The following IGFBP7 variants were observed in gnomAD, a reference collection of about 807,000 sequenced individuals.
IGFBP7 encodes insulin-like growth factor-binding protein 7.
IGFBP7 carries 31 observed loss-of-function variants against 29.4 expected under a neutral mutation model. The ratio of observed to expected loss-of-function variants is 1.05; its 90% CI spans 0.79 to 1.42. IGFBP7 has a LOEUF of 1.42. Ranked by LOEUF, IGFBP7 falls within the 40% of genes most tolerant of loss-of-function variation. IGFBP7 has a pLI of 0.00. For missense variants in IGFBP7, 393 were observed against 395.5 expected (o/e 0.99, Z 0.05); for synonymous variants, 172 against 174.9 (o/e 0.98, Z 0.13).
chr4:57,109,682 G>C (rs574513334), intron 1 of IGFBP7, 195 bp downstream of exon 1: 2 of 638,650 alleles, frequency 3.1e-6, no homozygotes, highest in Non-Finnish European at 5.1e-6. Context: ...CCACCAAAAA[G>C]GAGAAGGGGG....
chr4:57,040,980 C>T (rs1300181014), intron 1 of IGFBP7, 47 bp from the exon 2 acceptor site: 1 of 1,187,456 alleles, frequency 8.4e-7, no homozygotes. Context: ...AACAGTCCTT[C>T]ACATGAGTCA....
At chr4:57,069,257 G>A (rs1317382295) in intron 1 of IGFBP7, among the ~76,000 whole-genome samples, 1 of 152,084 alleles carries the variant, frequency 6.6e-6, no homozygotes, top group Non-Finnish European at 1.5e-5. Context: ...GGGGTCTTGG[G>A]CCATCTGTGG....
chr4:57,093,732 G>A (rs927899579), intron 1 of IGFBP7, among the ~76,000 whole-genome samples: 2 of 151,768 alleles, frequency 1.3e-5, no homozygotes, highest in Admixed American at 1.3e-4. Context: ...GATTCTTTTG[G>A]ATCAATATTC....
chr4:57,040,019 C>T (rs1426929421), intron 2 of IGFBP7, among the ~76,000 whole-genome samples: 1 of 152,198 alleles, frequency 6.6e-6, no homozygotes, highest in South Asian at 2.1e-4. Context: ...GGGGCTGGGG[C>T]CAGCATTTAG....
chr4:57,031,657 G>GTAAAGTGGAGGAA (rs1723934510), intron 4 of IGFBP7, among the ~76,000 whole-genome samples: 1 of 152,210 alleles, frequency 6.6e-6, no homozygotes. Context: ...CCTTCAAAAG[G>GTAAAGTGGAGGAA]TAAAGTGGAG....
intron 1 of IGFBP7, among the ~76,000 whole-genome samples, chr4:57,079,142 CTCAGAGTATT>C (rs1313390267): frequency 6.8e-6 from 1 of 146,004 alleles, no homozygotes; most frequent in African/African-American, 2.4e-5. Flanking sequence ...CTTGGCTCAA[CTCAGAGTATT>C]TCTCTTTGCT....
chr4:57,087,197 A>C (rs1028064657), intron 1 of IGFBP7, among the ~76,000 whole-genome samples: 6 of 152,264 alleles, frequency 3.9e-5, no homozygotes, highest in Admixed American at 6.5e-5. Flanking sequence ...CATTTAAGTG[A>C]TAAATGAGTC....
At chr4:57,045,828 C>T (rs548697385) in intron 1 of IGFBP7, among the ~76,000 whole-genome samples, 13 of 151,378 alleles carry the variant, frequency 8.6e-5, no homozygotes, top group East Asian at 2.0e-4. Flanking sequence ...TGGGTTCAAG[C>T]GATCCTCCTG....
intron 2 of IGFBP7, among the ~76,000 whole-genome samples, chr4:57,035,473 GAGAC>G (rs1305334375): frequency 2.0e-5 from 3 of 149,258 alleles, no homozygotes; most frequent in Non-Finnish European, 4.5e-5. Flanking sequence ...TTTTTTTTTT[GAGAC>G]AGAGTCTCGC....
intron 1 of IGFBP7, among the ~76,000 whole-genome samples, chr4:57,066,756 T>G (rs551794846): frequency 6.6e-6 from 1 of 151,988 alleles, no homozygotes; most frequent in African/African-American, 2.4e-5. Context: ...AGAGATGGGG[T>G]TTCACCATGT....
At chr4:57,082,636 C>A (rs772422119) in intron 1 of IGFBP7, among the ~76,000 whole-genome samples, 3 of 152,162 alleles carry the variant, frequency 2.0e-5, no homozygotes, top group Non-Finnish European at 2.9e-5. Flanking sequence ...TGCAAAAGTG[C>A]ATGCTCACTG....
At chr4:57,101,015 C>G (rs1725884767) in intron 1 of IGFBP7, among the ~76,000 whole-genome samples, 1 of 152,236 alleles carries the variant, frequency 6.6e-6, no homozygotes, top group Non-Finnish European at 1.5e-5. Context: ...TTCACAAATA[C>G]CCGTTGCAGA....
rs193081357 is a variant in IGFBP7 at position 57,034,192 on chromosome 4, G to C, written c.586-881C>G. 1.4e-3 allele frequency among the ~76,000 whole-genome samples: 209 copies of C among 152,124 alleles called. 1 individual carries two copies. The highest frequency in any genetic ancestry group is 4.9e-3 in the African/African-American group (202 of 41,500). ...TTTGGTGCAAGGCCAATACTGAATA[G>C]TATCCTTTTTGCCCTCATTTTAAAA... On this transcript the variant is annotated intron_variant, in intron 2 of 4. Coordinates refer to ENST00000295666, the MANE Select transcript of IGFBP7 (RefSeq NM_001553.3).
At chr4:57,048,346 G>A (rs1362704788) in intron 1 of IGFBP7, among the ~76,000 whole-genome samples, 1 of 152,092 alleles carries the variant, frequency 6.6e-6, no homozygotes, top group Non-Finnish European at 1.5e-5. Flanking sequence ...ACAGCACCCG[G>A]CCTCCTTTGC....
rs894027188 is a variant in IGFBP7 at position 57,108,268 on chromosome 4, T to C, written c.475+1609A>G. 2.6e-5 allele frequency among the ~76,000 whole-genome samples: 4 copies of C among 152,328 alleles called. No homozygotes were observed. In the South Asian group the frequency reaches 6.2e-4, roughly 24 times the overall value. On this transcript the variant is annotated intron_variant, in intron 1 of 4. Transcript: ENST00000295666. ...TCTGAAATTGATGACATACAACCTA[T>C]TAGTTTGTGGACTTCTGGGAAAAGC...
chr4:57,101,097 C>A (rs931023202), intron 1 of IGFBP7, among the ~76,000 whole-genome samples: 12 of 152,186 alleles, frequency 7.9e-5, no homozygotes, highest in African/African-American at 2.9e-4. Context: ...CAGCATAGTC[C>A]GCATAGTTTA....
chr4:57,075,036 A>G (rs1725187473), intron 1 of IGFBP7, among the ~76,000 whole-genome samples: 1 of 152,240 alleles, frequency 6.6e-6, no homozygotes, highest in African/African-American at 2.4e-5. Context: ...TTCCTTTAAA[A>G]ATAAGCAATC....
intron 1 of IGFBP7, among the ~76,000 whole-genome samples, chr4:57,061,501 A>C (rs1410358682): frequency 6.6e-6 from 1 of 152,188 alleles, no homozygotes; most frequent in Non-Finnish European, 1.5e-5. Flanking sequence ...GCACTGTGAT[A>C]CCATGACAGT....
intron 2 of IGFBP7, among the ~76,000 whole-genome samples, chr4:57,037,239 G>A (rs1322028710): frequency 6.6e-6 from 1 of 152,182 alleles, no homozygotes; most frequent in African/African-American, 2.4e-5. Flanking sequence ...ATTACATTAT[G>A]AAGGTAGAGG....
Sources: gnomAD v4.1 joint callset for allele counts (sites outside exome capture counted in the v4.1 genomes callset) on GRCh38, gnomAD v4.1.1 for gene constraint, MANE v1.5 for transcripts, NCBI Gene and HGNC (gene_info 2026-07-23, HGNC 2026-07-21) for gene names.